Variants in RASSF3 observed in about 807,000 individuals in gnomAD.
RASSF3 encodes Ras association domain family member 3, also known as ras association domain-containing protein 3.
A neutral mutation model predicts 19.9 loss-of-function variants in RASSF3; 19 were observed. The observed-to-expected ratio is 0.96, with a 90% CI of 0.67 to 1.40. The LOEUF (loss-of-function observed/expected upper bound fraction) is 1.40. Ranked by LOEUF, RASSF3 falls within the 40% of genes most tolerant of loss-of-function variation. RASSF3 has a pLI of 0.00. For missense variants in RASSF3, 306 were observed against 289.8 expected (o/e 1.06, Z -0.41); for synonymous variants, 110 against 104.2 (o/e 1.06, Z -0.34).
At chr12:64,511,568 A>G (rs1482663194) in intron 1 of RASSF3, among the ~76,000 whole-genome samples, 1 of 152,196 alleles carries the variant, frequency 6.6e-6, no homozygotes, top group African/African-American at 2.4e-5. Flanking sequence ...GCTTATGGAA[A>G]CTGGCCTCCT....
At chr12:64,619,829 A>T (rs1471306814) in intron 1 of RASSF3, among the ~76,000 whole-genome samples, 1 of 151,882 alleles carries the variant, frequency 6.6e-6, no homozygotes, top group African/African-American at 2.4e-5. Flanking sequence ...AAAATACAAA[A>T]ATTAGGCAGG....
intron 1 of RASSF3, among the ~76,000 whole-genome samples, chr12:64,612,932 G>C (rs899777329): frequency 1.3e-5 from 2 of 152,192 alleles, no homozygotes; most frequent in African/African-American, 4.8e-5. Flanking sequence ...ATAGTTCGTG[G>C]TTGAAGAGCT....
chr12:64,598,385 C>T (rs1870030749), intron 2 of RASSF3, among the ~76,000 whole-genome samples: 2 of 152,182 alleles, frequency 1.3e-5, no homozygotes, highest in South Asian at 4.1e-4. Context: ...AGAAATCTAT[C>T]TAACTCTTCT....
At chr12:64,588,866 T>C (rs1033112356) in intron 2 of RASSF3, among the ~76,000 whole-genome samples, 61 of 152,204 alleles carry the variant, frequency 4.0e-4, no homozygotes, top group Non-Finnish European at 7.6e-4. Flanking sequence ...TTAATGTCTA[T>C]ATAATAGAAA....
In RASSF3 at chr12:64,684,944, T is replaced by C. The variant is rs374377987; in HGVS notation, c.219+50T>C. Reference sequence around the variant, plus strand: ...GTTGACACCTGTCAAAAGACAAATATAAATTGTTGGTACTACAATCTATAG... The same window carrying C: ...GTTGACACCTGTCAAAAGACAAATACAAATTGTTGGTACTACAATCTATAG... On this transcript the variant is annotated intron_variant, in intron 2 of 4. Coordinates refer to ENST00000542104, the MANE Select transcript of RASSF3 (RefSeq NM_178169.4). 2.7e-5 allele frequency: 29 copies of C among 1,085,270 alleles called. No individual in the cohort carries two copies. In the African/African-American group the frequency reaches 4.2e-4, roughly 16 times the overall value. 67.2% of individuals were successfully genotyped at this position (1,085,270 alleles called of 1,614,324 possible).
intron 1 of RASSF3, among the ~76,000 whole-genome samples, chr12:64,539,257 G>A (rs966851520): frequency 3.3e-5 from 5 of 152,104 alleles, no homozygotes; most frequent in African/African-American, 1.2e-4. Context: ...GCATGTGTGT[G>A]AGCTCAGGTG....
intron 1 of RASSF3, among the ~76,000 whole-genome samples, chr12:64,620,818 T>C (rs1462358420): frequency 6.6e-6 from 1 of 152,204 alleles, no homozygotes; most frequent in African/African-American, 2.4e-5. Flanking sequence ...TTTATGTCTA[T>C]TTTTAAGTTT....
intron 1 of RASSF3, among the ~76,000 whole-genome samples, chr12:64,623,840 A>T (rs925287261): frequency 2.6e-5 from 4 of 151,520 alleles, no homozygotes; most frequent in Admixed American, 6.6e-5. Flanking sequence ...GTAGAGAGAG[A>T]GTTTCACCGT....
chr12:64,554,270 G>A (rs1380519695), intron 2 of RASSF3, among the ~76,000 whole-genome samples: 2 of 152,164 alleles, frequency 1.3e-5, no homozygotes, highest in African/African-American at 2.4e-5. Context: ...CCTGACAAGA[G>A]CAAATTCAGT....
intron 1 of RASSF3, among the ~76,000 whole-genome samples, chr12:64,670,317 A>C (rs2136206055): frequency 6.6e-6 from 1 of 150,640 alleles, no homozygotes; most frequent in South Asian, 2.1e-4. Context: ...TTTTATTTCC[A>C]AGGTTATTTT....
intron 1 of RASSF3, among the ~76,000 whole-genome samples, chr12:64,539,217 C>T (rs1400996090): frequency 6.6e-6 from 1 of 152,074 alleles, no homozygotes; most frequent in East Asian, 1.9e-4. Flanking sequence ...CATAACATGG[C>T]AGAGGGCATC....
chr12:64,692,872 T>C (rs1868305012), intron 4 of RASSF3, among the ~76,000 whole-genome samples: 1 of 152,058 alleles, frequency 6.6e-6, no homozygotes, highest in African/African-American at 2.4e-5. Context: ...CCACTGCACC[T>C]GGCCTTAACT....
rs945976334 is a variant in RASSF3 at position 64,626,814 on chromosome 12, C to T, written c.111+16071C>T. Among the ~76,000 whole-genome samples, 20 of 152,342 alleles carry T rather than the reference C, an allele frequency of 1.3e-4. No individual in the cohort carries two copies. In the East Asian group the frequency reaches 3.7e-3, roughly 28 times the overall value. On this transcript the variant is annotated intron_variant, in intron 1 of 4. Coordinates refer to ENST00000542104, the MANE Select transcript of RASSF3 (RefSeq NM_178169.4). ...TCCTGGGCTCAAGTGATCCTCCTGCCTTGGCCTCCCAAAGTGTTAGGATTA... is the reference window on the plus strand; with the variant it reads ...TCCTGGGCTCAAGTGATCCTCCTGCTTTGGCCTCCCAAAGTGTTAGGATTA...
chr12:64,623,943 C>G (rs534803488), intron 1 of RASSF3, among the ~76,000 whole-genome samples: 1 of 151,936 alleles, frequency 6.6e-6, no homozygotes. Context: ...GCCACCATGT[C>G]CGGCCATATT....
chr12:64,634,729 C>A (rs1301580085), intron 1 of RASSF3, among the ~76,000 whole-genome samples: 1 of 143,036 alleles, frequency 7.0e-6, no homozygotes, highest in Non-Finnish European at 1.5e-5. Flanking sequence ...CCATTGCACT[C>A]CAGCCTGCAC....
chr12:64,582,309 G>A (rs1869717042), intron 2 of RASSF3, among the ~76,000 whole-genome samples: 1 of 152,170 alleles, frequency 6.6e-6, no homozygotes, highest in Admixed American at 6.6e-5. Context: ...AATGTGCCAA[G>A]TTTTCCTTGT....
chr12:64,627,398 G>A (rs902004728), intron 1 of RASSF3, among the ~76,000 whole-genome samples: 19 of 152,150 alleles, frequency 1.2e-4, no homozygotes, highest in Non-Finnish European at 2.4e-4. Flanking sequence ...GTGATTTGGG[G>A]GAAGATGACA....
intron 1 of RASSF3, among the ~76,000 whole-genome samples, chr12:64,619,339 T>TC (rs1870663585): frequency 6.6e-6 from 1 of 151,838 alleles, no homozygotes; most frequent in African/African-American, 2.4e-5. Context: ...CTTTTTTTTT[T>TC]CCACATGAGC....
At chr12:64,687,132 T>C (rs1873388458) in intron 2 of RASSF3, among the ~76,000 whole-genome samples, 1 of 151,988 alleles carries the variant, frequency 6.6e-6, no homozygotes, top group South Asian at 2.1e-4. Flanking sequence ...TAGCTGGGAT[T>C]ATAGGCACCT....
Sources: gnomAD v4.1 joint callset for allele counts (sites outside exome capture counted in the v4.1 genomes callset) on GRCh38, gnomAD v4.1.1 for gene constraint, MANE v1.5 for transcripts, NCBI Gene and HGNC (gene_info 2026-07-23, HGNC 2026-07-21) for gene names.